B4GALT6: variants seen among roughly 807,000 people sequenced by gnomAD.
The protein encoded by B4GALT6 is UDP-Gal:beta-GlcNAc beta-1,4-galactosyltransferase 6.
B4GALT6 carries 14 observed loss-of-function variants against 46.3 expected under a neutral mutation model. That is an observed-to-expected ratio of 0.30 (90% CI 0.20 to 0.47). The LOEUF (loss-of-function observed/expected upper bound fraction) is 0.47, where lower values mean the gene tolerates loss of function less well. Among genes scored for constraint, B4GALT6 ranks in the 20% least tolerant of loss-of-function variants. The pLI is 0.99. For synonymous variants in B4GALT6, 168 were observed against 162.0 expected, an observed-to-expected ratio of 1.04 and a Z score of -0.28; for missense variants, 386 against 480.1, an observed-to-expected ratio of 0.80 and a Z score of 1.83.
chr18:31,640,944 A>G (rs1020134569), intron 4 of B4GALT6, among the ~76,000 whole-genome samples: 1 of 152,242 alleles, frequency 6.6e-6, no homozygotes, highest in African/African-American at 2.4e-5. Flanking sequence ...GTGAGTACAT[A>G]TCCCACCACT....
At chr18:31,687,740 C>T (rs569390089), upstream of B4GALT6, among the ~76,000 whole-genome samples, 2 of 152,194 alleles carry the variant, frequency 1.3e-5, no homozygotes, top group Non-Finnish European at 2.9e-5. Flanking sequence ...CTAGGGACAC[C>T]GTGCTCTTAA....
chr18:31,720,498 C>T, the B4GALT6 span, among the ~76,000 whole-genome samples: 22 of 152,326 alleles, frequency 1.4e-4, no homozygotes, highest in African/African-American at 4.6e-4. Context: ...TAATCAGTAG[C>T]GCTTCAAAGG....
At chr18:31,664,647 C>T (rs2074263233) in intron 2 of B4GALT6, among the ~76,000 whole-genome samples, 1 of 151,320 alleles carries the variant, frequency 6.6e-6, no homozygotes, top group African/African-American at 2.4e-5. Context: ...CCAGGGAAAA[C>T]AAGCTGATAT....
At chr18:31,667,103 CCTAA>C (rs745663819) in intron 1 of B4GALT6, among the ~76,000 whole-genome samples, 13 of 152,080 alleles carry the variant, frequency 8.5e-5, no homozygotes, top group Non-Finnish European at 1.9e-4. Context: ...CGCAAAAATC[CCTAA>C]CTTTTGAGAT....
At chr18:31,689,434 G>A (rs1425881666), upstream of B4GALT6, among the ~76,000 whole-genome samples, 2 of 152,090 alleles carry the variant, frequency 1.3e-5, no homozygotes, top group Non-Finnish European at 2.9e-5. Context: ...TGATACTTAA[G>A]CATTCACCAG....
chr18:31,710,287 A>C, the B4GALT6 span, among the ~76,000 whole-genome samples: 1 of 152,168 alleles, frequency 6.6e-6, no homozygotes, highest in East Asian at 1.9e-4. Flanking sequence ...GATATAAATA[A>C]GAAATTCAGT....
At chr18:31,692,686 C>G in the B4GALT6 span, among the ~76,000 whole-genome samples, 1 of 152,128 alleles carries the variant, frequency 6.6e-6, no homozygotes, top group Non-Finnish European at 1.5e-5. Context: ...TAAGAATTAG[C>G]TAACGCATAT....
chr18:31,635,267 A>G (rs2073844086), intron 5 of B4GALT6, among the ~76,000 whole-genome samples: 2 of 151,934 alleles, frequency 1.3e-5, no homozygotes, highest in South Asian at 2.1e-4. Flanking sequence ...AAAACCAGAG[A>G]CAGCTCTCTC....
chr18:31,698,594 G>A, the B4GALT6 span, among the ~76,000 whole-genome samples: 1 of 151,074 alleles, frequency 6.6e-6, no homozygotes, highest in Admixed American at 6.6e-5. Context: ...TCGTGCCACT[G>A]CACTCCAGCC....
rs111402923 is a variant in B4GALT6 at position 31,625,683 on chromosome 18, C to G, written c.1080G>C (p.Leu360=). 6.2e-7 allele frequency: 1 copy of G among 1,613,580 alleles called. No individual in the cohort carries two copies. Among genetic ancestry groups the G allele is most frequent in the Admixed American group, 1.7e-5 (1 of 59,912 alleles). Reference sequence around the variant, plus strand: ...ATATGTTTGTATACAACCTATCAACCAGTATTTTTGGCCTATATATTAAAT... The same window carrying G: ...ATATGTTTGTATACAACCTATCAACGAGTATTTTTGGCCTATATATTAAAT... ...LNNLIYRPKI[L]VDRLYTNISV... is the part of the protein sequence containing the mutation. Residue 360 remains leucine (L), a synonymous_variant, in exon 9 of 9, where the codon CTG becomes CTC. Transcript: ENST00000306851.
intron 6 of B4GALT6, among the ~76,000 whole-genome samples, chr18:31,628,800 C>T (rs2073736255): frequency 6.6e-6 from 1 of 152,230 alleles, no homozygotes; most frequent in African/African-American, 2.4e-5. Context: ...GATGCCTAAC[C>T]AATCCAGGGA....
intron 3 of B4GALT6, among the ~76,000 whole-genome samples, chr18:31,647,983 AAAAAC>A: frequency 6.6e-6 from 1 of 152,282 alleles, no homozygotes; most frequent in East Asian, 1.9e-4. Flanking sequence ...CCACTGCTTT[AAAAAC>A]AAAACAAAAG....
At chr18:31,681,778 C>T (rs2074482765) in intron 1 of B4GALT6, among the ~76,000 whole-genome samples, 2 of 151,762 alleles carry the variant, frequency 1.3e-5, no homozygotes, top group South Asian at 2.1e-4. Flanking sequence ...GTTTACCAAA[C>T]AGGTTGATAT....
chr18:31,645,180 C>T (rs1233476531), intron 4 of B4GALT6, among the ~76,000 whole-genome samples, 175 bp downstream of exon 4: 1 of 152,218 alleles, frequency 6.6e-6, no homozygotes, highest in Non-Finnish European at 1.5e-5. Flanking sequence ...ACAGTCTTCA[C>T]ACATAACACT....
chr18:31,667,732 T>C (rs1034477735), intron 1 of B4GALT6, among the ~76,000 whole-genome samples: 1 of 152,234 alleles, frequency 6.6e-6, no homozygotes, highest in Non-Finnish European at 1.5e-5. Flanking sequence ...AGTAGTCTTA[T>C]AATTAGATTT....
At chr18:31,649,498 A>G (rs2144602678) in intron 3 of B4GALT6, among the ~76,000 whole-genome samples, 1 of 152,150 alleles carries the variant, frequency 6.6e-6, no homozygotes, top group Non-Finnish European at 1.5e-5. Flanking sequence ...TGTGCATACA[A>G]CAAAGTCCTA....
intron 7 of B4GALT6, 142 bp downstream of exon 7, chr18:31,626,857 G>A: frequency 1.5e-6 from 1 of 650,332 alleles, no homozygotes. Flanking sequence ...GAAAAAAAAA[G>A]AGAAATATAA....
At chr18:31,653,368 C>A (rs908182794) in intron 3 of B4GALT6, among the ~76,000 whole-genome samples, 5 of 151,726 alleles carry the variant, frequency 3.3e-5, no homozygotes, top group African/African-American at 1.2e-4. Context: ...ACACCTCTCT[C>A]TGACATCGTC....
At position 31,624,042 on chromosome 18, in the gene B4GALT6, C is replaced by T. The variant is rs180674376; in HGVS notation, c.*1572G>A. The T allele has an allele frequency of 6.3e-4, 96 of 151,898 alleles. No individual in the cohort carries two copies. Among genetic ancestry groups the T allele is most frequent in the African/African-American group, 2.1e-3 (88 of 41,498 alleles). The allele number at this position is 151,898 out of a possible 1,614,324, so 9.4% of individuals were successfully genotyped here. Reference sequence around the variant, plus strand: ...ATATTTTAAACAATCTTTATAATTGCTAATTTTCAAAAAAGAATACTGTTC... The same window carrying T: ...ATATTTTAAACAATCTTTATAATTGTTAATTTTCAAAAAAGAATACTGTTC... On this transcript the variant is annotated 3_prime_UTR_variant, in exon 9 of 9. Transcript: ENST00000306851.
Sources: allele counts gnomAD v4.1 joint callset (sites outside exome capture counted in the v4.1 genomes callset), GRCh38; gene constraint gnomAD v4.1.1; transcripts MANE v1.5; gene names NCBI Gene and HGNC (gene_info 2026-07-23, HGNC 2026-07-21).